The following PTPN11 variants were observed in gnomAD, a reference collection of about 807,000 sequenced individuals.
PTPN11 encodes tyrosine-protein phosphatase non-receptor type 11.
In PTPN11, 6 loss-of-function variants were observed where a neutral mutation model predicts 78.8. That is an observed-to-expected ratio of 0.08 (90% CI 0.04 to 0.15). The LOEUF (loss-of-function observed/expected upper bound fraction) is 0.15, where lower values mean the gene tolerates loss of function less well. PTPN11 is among the 10% of genes least tolerant of loss of function. The pLI, the probability that PTPN11 is intolerant of heterozygous loss-of-function variation, is 1.00. For synonymous variants in PTPN11, 221 were observed against 263.5 expected (o/e 0.84, Z 1.56); for missense variants, 386 against 744.8 (o/e 0.52, Z 5.61).
intron 1 of PTPN11, 142 bp downstream of exon 1, chr12:112,419,267 C>T: frequency 2.4e-6 from 2 of 828,348 alleles, no homozygotes; most frequent in Non-Finnish European, 3.3e-6. Context: ...CTCCTCGTCC[C>T]CTCGCCCTCC....
chr12:112,453,060 T>C (rs948440408), intron 3 of PTPN11, 135 bp from the exon 4 acceptor site: 2 of 768,388 alleles, frequency 2.6e-6, no homozygotes, highest in Non-Finnish European at 4.2e-6. Flanking sequence ...TCAGGTGGGA[T>C]TGATCAATCC....
intron 1 of PTPN11, among the ~76,000 whole-genome samples, chr12:112,443,576 G>A (rs12299569): frequency 1.6e-3 from 239 of 151,730 alleles, no homozygotes; most frequent in African/African-American, 5.5e-3. Flanking sequence ...GACTAGTCTC[G>A]AACTCCTGAC....
chr12:112,427,734 T>G (rs1397512158), intron 1 of PTPN11, among the ~76,000 whole-genome samples: 2 of 151,804 alleles, frequency 1.3e-5, no homozygotes, highest in South Asian at 2.1e-4. Flanking sequence ...CCCCTCAGTG[T>G]TTTTTTATTT....
chr12:112,441,114 G>C (rs535161907), intron 1 of PTPN11, among the ~76,000 whole-genome samples: 1 of 151,672 alleles, frequency 6.6e-6, no homozygotes, highest in Non-Finnish European at 1.5e-5. Flanking sequence ...ACAGGCATGC[G>C]CCACCATGCC....
chr12:112,488,612 T>C (rs1220871496), intron 12 of PTPN11, 102 bp downstream of exon 12: 11 of 1,232,572 alleles, frequency 8.9e-6, no homozygotes, highest in Middle Eastern at 3.8e-4. Flanking sequence ...AATGGGAAAA[T>C]TCTTTCACAA....
chr12:112,450,435 C>T lies in PTPN11; in HGVS notation c.255C>T (p.His85=), dbSNP rs61736914. The change falls in exon 3 of 16, where the codon CAC becomes CAT. Residue 85 remains histidine (H), a synonymous_variant. Coordinates refer to ENST00000351677, the MANE Select transcript of PTPN11 (RefSeq NM_002834.5). Reference sequence around the variant, plus strand: ...TGGTCCAGTATTACATGGAACATCACGGGCAATTAAAAGAGAAGAATGGAG... The same window carrying T: ...TGGTCCAGTATTACATGGAACATCATGGGCAATTAAAAGAGAAGAATGGAG... ...AELVQYYMEH[H]GQLKEKNGDV... is the part of the protein sequence containing the mutation. 6,609 of 1,613,868 alleles carry T rather than the reference C, an allele frequency of 4.1e-3. 221 individuals carry two copies. In the African/African-American group the frequency reaches 0.075, roughly 18 times the overall value.
chr12:112,471,092 G>A (rs979970791), intron 6 of PTPN11, among the ~76,000 whole-genome samples: 1 of 152,132 alleles, frequency 6.6e-6, no homozygotes, highest in African/African-American at 2.4e-5. Flanking sequence ...ATGAGCTTAT[G>A]TCCAGGCTGA....
chr12:112,439,244 A>T (rs1287045485), intron 1 of PTPN11, among the ~76,000 whole-genome samples: 1 of 152,128 alleles, frequency 6.6e-6, no homozygotes, highest in African/African-American at 2.4e-5. Context: ...TCAGCCTGTC[A>T]TTTGGGGAGG....
At chr12:112,432,537 C>T (rs544444601) in intron 1 of PTPN11, among the ~76,000 whole-genome samples, 12 of 151,874 alleles carry the variant, frequency 7.9e-5, no homozygotes, top group East Asian at 3.9e-4. Context: ...GGCATGGTGG[C>T]GGGTGCCTGT....
chr12:112,470,755 C>T (rs576188012), intron 6 of PTPN11, among the ~76,000 whole-genome samples: 3 of 152,030 alleles, frequency 2.0e-5, no homozygotes, highest in Non-Finnish European at 4.4e-5. Flanking sequence ...AGTCCCAGTC[C>T]CCCTCCCCCG....
At chr12:112,480,213 T>C (rs565132093) in intron 9 of PTPN11, among the ~76,000 whole-genome samples, 63 of 152,180 alleles carry the variant, frequency 4.1e-4, no homozygotes, top group Non-Finnish European at 4.7e-4. Flanking sequence ...TCAGTCTTGA[T>C]TGGCCAGTGA....
intron 3 of PTPN11, 32 bp from the exon 4 acceptor site, chr12:112,453,157 GTAGAGC>G: frequency 6.4e-7 from 1 of 1,558,128 alleles, no homozygotes; most frequent in Non-Finnish European, 8.8e-7. Flanking sequence ...TGAACCCATA[GTAGAGC>G]TAAATTCTTT....
intron 1 of PTPN11, among the ~76,000 whole-genome samples, chr12:112,422,637 C>T (rs1267678078): frequency 6.6e-6 from 1 of 152,156 alleles, no homozygotes; most frequent in Admixed American, 6.6e-5. Context: ...TTGTTTATCT[C>T]CTGCGGGAGT....
chr12:112,462,954 ATGG>A (rs1261888949), intron 6 of PTPN11, among the ~76,000 whole-genome samples: 1 of 152,190 alleles, frequency 6.6e-6, no homozygotes, highest in Non-Finnish European at 1.5e-5. Flanking sequence ...TATTTAAAAA[ATGG>A]TGGTTATTAT....
intron 13 of PTPN11, among the ~76,000 whole-genome samples, chr12:112,496,481 A>G (rs1158503147): frequency 1.3e-5 from 2 of 152,178 alleles, no homozygotes; most frequent in Non-Finnish European, 1.5e-5. Flanking sequence ...GCTAGAAAAC[A>G]TATGGCTGTA....
Position 112,508,306 on chromosome 12 carries a change from C to T in PTPN11, c.*2514C>T, listed in dbSNP as rs893920445. 2 of 152,436 alleles carry T rather than the reference C, an allele frequency of 1.3e-5. No homozygotes were observed. The highest frequency in any genetic ancestry group is 4.8e-5 in the African/African-American group (2 of 41,438). The allele number at this position is 152,436 out of a possible 1,614,324, so 9.4% of individuals were successfully genotyped here. ...TAGTCCCTAGGTTGCTACGGCTTATCATGTGCTTGGTAAAAGGTGATCGCA... is the reference window on the plus strand; with the variant it reads ...TAGTCCCTAGGTTGCTACGGCTTATTATGTGCTTGGTAAAAGGTGATCGCA... On this transcript the variant is annotated 3_prime_UTR_variant, in exon 16 of 16. Coordinates refer to ENST00000351677, the MANE Select transcript of PTPN11 (RefSeq NM_002834.5).
intron 6 of PTPN11, among the ~76,000 whole-genome samples, chr12:112,460,970 T>C (rs559860682): frequency 2.2e-4 from 33 of 152,304 alleles, no homozygotes; most frequent in African/African-American, 7.5e-4. Context: ...TCATTTGTCC[T>C]GAGAGTTACT....
At position 112,456,920 on chromosome 12, in the gene PTPN11, C is replaced by CT. The variant is rs1377899855; in HGVS notation, c.756+867dup. On this transcript the variant is annotated intron_variant, in intron 6 of 15. Coordinates refer to ENST00000351677, the MANE Select transcript of PTPN11 (RefSeq NM_002834.5). ...TCTGGTAAGTTAAGTGAACTGATTT[C>CT]TTTTTTTTTTAAATTATTTTTGTTG... Among the ~76,000 whole-genome samples the CT allele has an allele frequency of 1.4e-4, 21 of 148,954 alleles. No individual in the cohort carries two copies. In the South Asian group the frequency reaches 3.6e-3, roughly 26 times the overall value.
intron 1 of PTPN11, among the ~76,000 whole-genome samples, chr12:112,420,004 T>A (rs900721287): frequency 6.6e-6 from 1 of 152,234 alleles, no homozygotes; most frequent in African/African-American, 2.4e-5. Context: ...TTATCCCCAT[T>A]GTAAAGATGA....
Sources: allele counts gnomAD v4.1 joint callset (sites outside exome capture counted in the v4.1 genomes callset), GRCh38; gene constraint gnomAD v4.1.1; transcripts MANE v1.5; gene names NCBI Gene and HGNC (gene_info 2026-07-23, HGNC 2026-07-21).